Variants in PNLDC1 observed in about 807,000 individuals in gnomAD.
The protein encoded by PNLDC1 is poly(A)-specific ribonuclease PNLDC1.
PNLDC1 carries 70 observed loss-of-function variants against 82.0 expected under a neutral mutation model. The observed-to-expected ratio is 0.85, with a 90% confidence interval of 0.70 to 1.04. The LOEUF is 1.04. Ranked by LOEUF, PNLDC1 falls within the 50% of genes least tolerant of loss-of-function variation. The pLI is 0.00. For missense variants in PNLDC1, 631 were observed against 661.1 expected (o/e 0.95, Z 0.50); for synonymous variants, 280 against 249.3 (o/e 1.12, Z -1.16).
chr6:159,809,709 C>T (rs1186328256), intron 9 of PNLDC1, among the ~76,000 whole-genome samples: 8 of 152,256 alleles, frequency 5.3e-5, no homozygotes, highest in African/African-American at 1.4e-4. Context: ...TGCTCCTTTC[C>T]GTAACACAGG....
intron 15 of PNLDC1, among the ~76,000 whole-genome samples, chr6:159,817,672 G>C (rs1309546383): frequency 1.3e-5 from 2 of 152,200 alleles, no homozygotes; most frequent in African/African-American, 2.4e-5. Flanking sequence ...TGGGCACGTA[G>C]GCACCAGAAA....
intron 10 of PNLDC1, 71 bp downstream of exon 10, chr6:159,810,166 C>A: frequency 7.1e-7 from 1 of 1,413,718 alleles, no homozygotes; most frequent in Non-Finnish European, 1.0e-6. Context: ...GGTACACAAT[C>A]ATACCCCTGA....
intron 12 of PNLDC1, among the ~76,000 whole-genome samples, chr6:159,813,950 C>T (rs1562504009): frequency 6.6e-6 from 1 of 152,164 alleles, no homozygotes; most frequent in Non-Finnish European, 1.5e-5. Context: ...GCAAATGGAG[C>T]ACCTTCCCTG....
At chr6:159,800,200 T>C (rs180696459), upstream of PNLDC1, 55 of 1,096,142 alleles carry the variant, frequency 5.0e-5, no homozygotes, top group Non-Finnish European at 6.7e-5. Flanking sequence ...GGCAGCTGCC[T>C]GGTTTCCATG....
chr6:159,802,784 T>C (rs576577354), intron 3 of PNLDC1, among the ~76,000 whole-genome samples: 9 of 152,314 alleles, frequency 5.9e-5, no homozygotes, highest in African/African-American at 2.2e-4. Context: ...GGTTTCACCA[T>C]GTTGGTCAGG....
Position 159,819,347 on chromosome 6 carries a change from G to T in PNLDC1, c.1527G>T (p.Leu509=). The change falls in exon 18 of 19, where the codon CTG becomes CTT. Residue 509 remains leucine, a synonymous_variant. Coordinates refer to ENST00000392167, the MANE Select transcript of PNLDC1 (RefSeq NM_001271862.2). This position sits in a 1 kb window ranked among gnomAD's most constrained non-coding sequence, Gnocchi z 4.6. ...YWRHSPNVNC[L]LQVCGIVTAW... ...GGCACTCCCCAAACGTCAACTGCCT[G>T]CTCCAGTAAGTGACAGGCTGAGGCC... The T allele has an allele frequency of 1.2e-6, 2 of 1,613,440 alleles. No individual in the cohort carries two copies. Among genetic ancestry groups the T allele is most frequent in the Non-Finnish European group, 1.7e-6 (2 of 1,179,960 alleles).
chr6:159,800,623 T>G (rs1416754254), intron 1 of PNLDC1, 149 bp from the exon 2 acceptor site: 1 of 1,593,076 alleles, frequency 6.3e-7, no homozygotes, highest in Non-Finnish European at 8.6e-7. Flanking sequence ...GCTCCTTGCC[T>G]TGGTTCCTCC....
chr6:159,800,561 C>T (rs1781204442), intron 1 of PNLDC1, 178 bp downstream of exon 1: 3 of 1,389,236 alleles, frequency 2.2e-6, no homozygotes, highest in East Asian at 2.3e-5. Context: ...AAGTACACTC[C>T]GAGCCCCACG....
intron 7 of PNLDC1, among the ~76,000 whole-genome samples, chr6:159,807,386 T>G (rs1301912710): frequency 7.6e-6 from 1 of 132,140 alleles, no homozygotes; most frequent in Non-Finnish European, 1.8e-5. Flanking sequence ...ACAATGAGAC[T>G]CTGTTTCAAA....
At chr6:159,804,475 C>T (rs1781375736) in intron 5 of PNLDC1, 74 bp from the exon 6 acceptor site, 2 of 1,017,626 alleles carry the variant, frequency 2.0e-6, no homozygotes, top group Admixed American at 3.8e-5. Context: ...TCTACCTGTC[C>T]TCGTGAAATC....
rs117045498 is a variant in PNLDC1, at chr6:159,815,008, G to A, written c.996-961G>A. ...CATTAGGGGTCAGGAGGCTAAGCAC[G>A]TGAGGTTCCAGAACATCTTATTGAA... is the stretch of plus-strand genomic sequence containing the variant. On this transcript the variant is annotated intron_variant, in intron 12 of 18. Transcript: ENST00000392167. Among the ~76,000 whole-genome samples, 119 of 152,304 alleles carry A rather than the reference G, an allele frequency of 7.8e-4. 1 individual carries two copies. The East Asian group carries it at 0.019, about 25-fold the overall frequency.
chr6:159,806,448 C>T (rs1358563205), intron 7 of PNLDC1, among the ~76,000 whole-genome samples: 1 of 152,194 alleles, frequency 6.6e-6, no homozygotes, highest in Non-Finnish European at 1.5e-5. Flanking sequence ...CTTAGCAGCT[C>T]TCAGAGGCTG....
intron 3 of PNLDC1, among the ~76,000 whole-genome samples, chr6:159,802,954 T>A (rs1011565336): frequency 6.6e-6 from 1 of 152,102 alleles, no homozygotes; most frequent in African/African-American, 2.4e-5. Flanking sequence ...TTTAAATGAG[T>A]TAAATATATA....
upstream of PNLDC1, among the ~76,000 whole-genome samples, chr6:159,799,607 A>G (rs890107689): frequency 3.3e-5 from 5 of 152,340 alleles, no homozygotes; most frequent in South Asian, 2.1e-4. Flanking sequence ...GACTAGTTGC[A>G]CTGGAAACAG....
chr6:159,804,302 C>T (rs1781369323), intron 5 of PNLDC1, among the ~76,000 whole-genome samples: 1 of 152,190 alleles, frequency 6.6e-6, no homozygotes, highest in South Asian at 2.1e-4. Flanking sequence ...CGGGGTTTCA[C>T]CATGTTGGTC....
chr6:159,801,869 A>G (rs1781271248), intron 3 of PNLDC1, among the ~76,000 whole-genome samples: 1 of 151,286 alleles, frequency 6.6e-6, no homozygotes, highest in Non-Finnish European at 1.5e-5. Flanking sequence ...CGGTTCATAC[A>G]GATCTATTTG....
intron 16 of PNLDC1, 72 bp downstream of exon 16, chr6:159,818,726 C>T: frequency 6.9e-7 from 1 of 1,440,878 alleles, no homozygotes; most frequent in South Asian, 1.2e-5. Context: ...GGCCAGTGCT[C>T]TCTGGGACTC....
chr6:159,820,413 G>C (rs767886466), intron 18 of PNLDC1, 41 bp from the exon 19 acceptor site: 2 of 1,609,084 alleles, frequency 1.2e-6, no homozygotes, highest in South Asian at 2.2e-5. Flanking sequence ...CTCTCGGCCT[G>C]CTGGGTGCCC....
chr6:159,813,106 G>A (rs1781696504), intron 11 of PNLDC1, among the ~76,000 whole-genome samples: 2 of 152,222 alleles, frequency 1.3e-5, no homozygotes, highest in African/African-American at 2.4e-5. Flanking sequence ...TCCCTTACAA[G>A]TGAATTATCC....
Sources: gnomAD v4.1 joint callset for allele counts (sites outside exome capture counted in the v4.1 genomes callset) on GRCh38, gnomAD v4.1.1 for gene constraint, Gnocchi (gnomAD v3.1) non-coding constraint, MANE v1.5 for transcripts, NCBI Gene and HGNC (gene_info 2026-07-23, HGNC 2026-07-21) for gene names.